Variants in CTNNA3 observed in about 807,000 individuals in gnomAD.
CTNNA3 encodes the protein catenin alpha 3.
CTNNA3 carries 76 observed loss-of-function variants against 95.7 expected under a neutral mutation model. That is an observed-to-expected ratio of 0.79 (90% CI 0.66 to 0.96). CTNNA3 has a LOEUF of 0.96. Ranked by LOEUF, CTNNA3 falls within the 40% of genes least tolerant of loss-of-function variation. CTNNA3 has a pLI of 0.00. For synonymous variants in CTNNA3, 431 were observed against 374.4 expected (o/e 1.15, Z -1.74); for missense variants, 1,191 against 1,089.8 (o/e 1.09, Z -1.31).
chr10:67,381,891 G>A (rs1843961269), intron 5 of CTNNA3, among the ~76,000 whole-genome samples: 1 of 151,972 alleles, frequency 6.6e-6, no homozygotes, highest in Non-Finnish European at 1.5e-5. Context: ...CCAGTCCAGT[G>A]TGATCAACTG....
chr10:67,400,232 G>T (rs1844868718), intron 5 of CTNNA3, among the ~76,000 whole-genome samples: 1 of 152,090 alleles, frequency 6.6e-6, no homozygotes, highest in Non-Finnish European at 1.5e-5. Flanking sequence ...TGTTGTGAGT[G>T]CTTGTCATTT....
chr10:66,825,718 C>T (rs1314250057), intron 7 of CTNNA3, among the ~76,000 whole-genome samples: 1 of 152,066 alleles, frequency 6.6e-6, no homozygotes, highest in African/African-American at 2.4e-5. Context: ...TTTTTTTCTA[C>T]AGGTCATCAG....
intron 3 of CTNNA3, among the ~76,000 whole-genome samples, chr10:67,575,904 C>T (rs371601138): frequency 9.3e-4 from 142 of 152,218 alleles, no homozygotes; most frequent in African/African-American, 3.0e-3. Flanking sequence ...TAAAAGAGCT[C>T]GGGGTGCCAT....
At chr10:67,685,163 C>T (rs963607735) in intron 1 of CTNNA3, among the ~76,000 whole-genome samples, 1 of 152,188 alleles carries the variant, frequency 6.6e-6, no homozygotes, top group African/African-American at 2.4e-5. Flanking sequence ...TAGGATAATA[C>T]ATGTTACTCC....
chr10:67,283,909 G>C (rs1839496188), intron 5 of CTNNA3, among the ~76,000 whole-genome samples: 1 of 152,144 alleles, frequency 6.6e-6, no homozygotes, highest in Non-Finnish European at 1.5e-5. Flanking sequence ...TTGAATCTCA[G>C]CCTAAAAATG....
intron 7 of CTNNA3, among the ~76,000 whole-genome samples, chr10:66,830,829 T>A (rs893666472): frequency 5.3e-5 from 8 of 152,108 alleles, no homozygotes; most frequent in African/African-American, 1.9e-4. Context: ...CAGGATGGTC[T>A]CTATCTCCTG....
intron 7 of CTNNA3, among the ~76,000 whole-genome samples, chr10:67,087,515 T>C (rs949522017): frequency 9.9e-5 from 15 of 151,884 alleles, no homozygotes; most frequent in East Asian, 3.9e-4. Context: ...CCTTCTCTAA[T>C]ATAAATATAT....
chr10:67,263,002 G>A (rs940454808), intron 5 of CTNNA3, among the ~76,000 whole-genome samples: 5 of 152,260 alleles, frequency 3.3e-5, no homozygotes, highest in Non-Finnish European at 7.4e-5. Context: ...TACTTGTATA[G>A]GAACTAGTTA....
chr10:66,683,333 G>T (rs1847133432), intron 9 of CTNNA3, among the ~76,000 whole-genome samples: 1 of 152,170 alleles, frequency 6.6e-6, no homozygotes, highest in South Asian at 2.1e-4. Flanking sequence ...CTTTGAGGAA[G>T]AAAGTAGACT....
chr10:67,514,963 C>A (rs1047471751), intron 5 of CTNNA3, among the ~76,000 whole-genome samples: 1 of 152,012 alleles, frequency 6.6e-6, no homozygotes, highest in African/African-American at 2.4e-5. Flanking sequence ...ATAAACTGAG[C>A]CCCAGAGACA....
At chr10:66,489,546 GTACACACACACACTTGCGCA>G in intron 11 of CTNNA3, among the ~76,000 whole-genome samples, 1 of 152,110 alleles carries the variant, frequency 6.6e-6, no homozygotes, top group East Asian at 1.9e-4. Flanking sequence ...CCAACGTTAT[GTACACACACACACTTGCGCA>G]TGCACACACA....
At chr10:67,300,735 C>G (rs148692045) in intron 5 of CTNNA3, among the ~76,000 whole-genome samples, 25 of 152,290 alleles carry the variant, frequency 1.6e-4, no homozygotes, top group Middle Eastern at 3.4e-3. Context: ...GCCTGATGAA[C>G]ATTAGCATTC....
intron 13 of CTNNA3, among the ~76,000 whole-genome samples, chr10:66,252,417 T>G (rs924296108): frequency 2.0e-5 from 3 of 152,216 alleles, no homozygotes; most frequent in African/African-American, 7.2e-5. Context: ...CAATTATGCA[T>G]TTCTTTAGTC....
intron 17 of CTNNA3, among the ~76,000 whole-genome samples, chr10:65,924,735 G>C (rs749200294): frequency 6.6e-6 from 1 of 152,110 alleles, no homozygotes; most frequent in Non-Finnish European, 1.5e-5. Context: ...TGCTAATAAA[G>C]ACATACCTGA....
chr10:66,437,094 C>A (rs2456661), intron 11 of CTNNA3, among the ~76,000 whole-genome samples: 1 of 151,906 alleles, frequency 6.6e-6, no homozygotes, highest in African/African-American at 2.4e-5. Context: ...TGGGTAACCC[C>A]ACGTTTCTCT....
Position 67,725,297 on chromosome 10 carries a change from C to A in CTNNA3, c.-2+38137G>T, listed in dbSNP as rs1198480849. 3.3e-5 allele frequency among the ~76,000 whole-genome samples: 5 copies of A among 152,108 alleles called. No individual in the cohort carries two copies. The South Asian group carries it at 6.2e-4, about 19-fold the overall frequency. On this transcript the variant is annotated intron_variant, in intron 1 of 17. Transcript: ENST00000684154. ...GGTCAGGCCATTCTCCTGCCTCAGCCTCCCAAGTAGCTGGGACAACAGGCA... is the reference window on the plus strand; with the variant it reads ...GGTCAGGCCATTCTCCTGCCTCAGCATCCCAAGTAGCTGGGACAACAGGCA...
intron 11 of CTNNA3, among the ~76,000 whole-genome samples, chr10:66,443,098 G>C (rs190223563): frequency 0.025 from 3,793 of 152,270 alleles, 82 homozygotes; most frequent in Non-Finnish European, 0.038. Context: ...AGGCCACAGG[G>C]AGGCTGGGGG....
chr10:66,471,858 A>G (rs1420561342), intron 11 of CTNNA3, among the ~76,000 whole-genome samples: 3 of 151,958 alleles, frequency 2.0e-5, no homozygotes, highest in Admixed American at 1.3e-4. Context: ...ACCTAACTCA[A>G]ACAAAACCCC....
In CTNNA3 at chr10:67,552,856, T is replaced by C. The variant is rs573734136; in HGVS notation, c.293-13187A>G. 2.6e-5 allele frequency among the ~76,000 whole-genome samples: 4 copies of C among 152,286 alleles called. No homozygotes were observed. In the East Asian group the frequency reaches 7.7e-4, roughly 29 times the overall value. ...GCAAAGGACATGATCTCATTTCTTT[T>C]TATGGCTGCATAGTATTCCATGATG... On this transcript the variant is annotated intron_variant, in intron 3 of 17. Transcript: ENST00000433211.
Sources: gnomAD v4.1 joint callset for allele counts (sites outside exome capture counted in the v4.1 genomes callset) on GRCh38, gnomAD v4.1.1 for gene constraint, MANE v1.5 for transcripts, NCBI Gene and HGNC (gene_info 2026-07-23, HGNC 2026-07-21) for gene names.